The following SOS1 variants were observed in gnomAD, a reference collection of about 807,000 sequenced individuals.
SOS1 encodes son of sevenless homolog 1.
In SOS1, 25 loss-of-function variants were observed where a neutral mutation model predicts 157.6. The observed-to-expected ratio is 0.16, with a 90% CI of 0.12 to 0.22. SOS1 has a LOEUF of 0.22. Ranked by LOEUF, SOS1 falls within the 10% of genes least tolerant of loss-of-function variation. SOS1 has a pLI of 1.00. For missense variants in SOS1, 1,237 were observed against 1,599.1 expected (o/e 0.77, Z 3.86); for synonymous variants, 528 against 534.0 (o/e 0.99, Z 0.16).
intron 10 of SOS1, among the ~76,000 whole-genome samples, chr2:39,019,507 A>G (rs917756612): frequency 2.0e-5 from 3 of 151,842 alleles, no homozygotes; most frequent in Middle Eastern, 6.8e-3. Flanking sequence ...TTTTTCCCCT[A>G]GTTTTTGGGA....
chr2:39,080,185 G>A (rs1672153975), intron 1 of SOS1, among the ~76,000 whole-genome samples: 1 of 151,812 alleles, frequency 6.6e-6, no homozygotes, highest in Non-Finnish European at 1.5e-5. Flanking sequence ...GTCCCATATG[G>A]GGGGGAATGG....
At chr2:39,077,995 G>A (rs1250173382) in intron 1 of SOS1, among the ~76,000 whole-genome samples, 1 of 152,118 alleles carries the variant, frequency 6.6e-6, no homozygotes, top group Non-Finnish European at 1.5e-5. Context: ...CACAAAAAGT[G>A]GAAAGATAAG....
chr2:39,023,745 G>T, intron 9 of SOS1: 1 of 393,936 alleles, frequency 2.5e-6, no homozygotes, highest in Non-Finnish European at 4.6e-6. Flanking sequence ...AAATCTACCC[G>T]ATACATTTTA....
intron 1 of SOS1, among the ~76,000 whole-genome samples, chr2:39,116,346 T>C (rs1414802886): frequency 6.6e-6 from 1 of 152,226 alleles, no homozygotes; most frequent in Admixed American, 6.5e-5. Context: ...AGTGAGTTAC[T>C]AGATCCTGTC....
intron 17 of SOS1, among the ~76,000 whole-genome samples, chr2:38,998,296 C>T (rs1668970285): frequency 6.6e-6 from 1 of 151,942 alleles, no homozygotes; most frequent in Admixed American, 6.6e-5. Context: ...GTCTCCCAGG[C>T]TAGAGTGCAA....
intron 4 of SOS1, 83 bp from the exon 5 acceptor site, chr2:39,054,906 A>C (rs1320362746): frequency 1.3e-5 from 10 of 794,446 alleles, no homozygotes; most frequent in Non-Finnish European, 1.9e-5. Flanking sequence ...AGTTCTCTGA[A>C]TAAAGTTCTT....
At chr2:39,096,822 C>A (rs1412393385) in intron 1 of SOS1, among the ~76,000 whole-genome samples, 1 of 151,482 alleles carries the variant, frequency 6.6e-6, no homozygotes, top group Non-Finnish European at 1.5e-5. Context: ...GGAGGTGGAG[C>A]TTGCAGTGAG....
intron 8 of SOS1, 85 bp from the exon 9 acceptor site, chr2:39,024,222 T>C: frequency 9.9e-7 from 1 of 1,008,966 alleles, no homozygotes; most frequent in Non-Finnish European, 1.4e-6. Context: ...AAAAATAACA[T>C]TTATTCAACT....
intron 1 of SOS1, among the ~76,000 whole-genome samples, chr2:39,071,147 C>T (rs754922244): frequency 3.3e-5 from 5 of 152,144 alleles, no homozygotes; most frequent in Admixed American, 1.3e-4. Flanking sequence ...AGATTACAGG[C>T]GTGAGCCACT....
At chr2:39,015,738 AG>A (rs1274682252) in intron 10 of SOS1, among the ~76,000 whole-genome samples, 1 of 149,566 alleles carries the variant, frequency 6.7e-6, no homozygotes, top group Non-Finnish European at 1.5e-5. Context: ...CTCCCATAAT[AG>A]GGGGGAGAAA....
At chr2:38,993,460 C>G (rs761538226) in intron 20 of SOS1, 1 of 152,100 alleles carries the variant, frequency 6.6e-6, no homozygotes, top group African/African-American at 2.4e-5. Context: ...CATGCCCAGC[C>G]CAAATATACT....
At position 38,985,425 on chromosome 2, in the gene SOS1, T is replaced by TG. The variant is rs58580760; in HGVS notation, c.*398_*399insC. On this transcript the variant is annotated 3_prime_UTR_variant, in exon 23 of 23. Coordinates refer to ENST00000402219, the MANE Select transcript of SOS1 (RefSeq NM_005633.4). ...AGATATTAAGATCCCTGTTTAAGTT[T>TG]TTTTTTTTAAAAGTGCATAATTTGA... 4.7e-4 allele frequency: 17 copies of TG among 36,514 alleles called. No individual in the cohort carries two copies. The highest frequency in any genetic ancestry group is 1.0e-3 in the Non-Finnish European group (14 of 13,432). 2.3% of individuals were successfully genotyped at this position (36,514 alleles called of 1,614,324 possible). A position where few individuals can be genotyped will look rare whatever the true frequency, so the allele number is the denominator to read the frequency against.
chr2:39,035,451 G>A lies in SOS1; in HGVS notation c.914C>T (p.Pro305Leu). ...YESYARDILR[P>L]GFHDRFLSQL... ...ACTAAGGAAACGATCATGAAAACCA[G>A]GTCGCAAAATATCTCGAGCATACGA... is the stretch of plus-strand genomic sequence containing the variant. Residue 305 changes from proline to leucine, a missense_variant, in exon 7 of 23, where the codon CCT becomes CTT. Around this residue, in one of 15 missense-constraint regions of SOS1, gnomAD observed 101 missense variants for 171.5 expected, o/e 0.59. Coordinates refer to ENST00000402219, the MANE Select transcript of SOS1 (RefSeq NM_005633.4). 2 of 1,613,898 alleles carry A rather than the reference G, an allele frequency of 1.2e-6. No individual in the cohort carries two copies. The highest frequency in any genetic ancestry group is 1.7e-6 in the Non-Finnish European group (2 of 1,179,896).
At chr2:39,046,108 T>C (rs1057102606) in intron 6 of SOS1, among the ~76,000 whole-genome samples, 4 of 152,242 alleles carry the variant, frequency 2.6e-5, no homozygotes, top group Non-Finnish European at 5.9e-5. Flanking sequence ...AGTTGGATTT[T>C]TTTATATCAT....
intron 1 of SOS1, among the ~76,000 whole-genome samples, chr2:39,100,439 TGATACACACA>T (rs1253423828): frequency 6.6e-6 from 1 of 152,100 alleles, no homozygotes; most frequent in Non-Finnish European, 1.5e-5. Context: ...AAAGAAATTG[TGATACACACA>T]GATACACACA....
upstream of SOS1, chr2:39,124,161 G>C (rs1673993488): frequency 6.6e-6 from 1 of 152,276 alleles, no homozygotes; most frequent in South Asian, 2.1e-4. Flanking sequence ...CTGCTTGCCT[G>C]TATCTCTTGG....
intron 1 of SOS1, among the ~76,000 whole-genome samples, chr2:39,109,871 A>C (rs1009246220): frequency 6.6e-6 from 1 of 152,236 alleles, no homozygotes; most frequent in African/African-American, 2.4e-5. Flanking sequence ...TTAACATTCA[A>C]AAAGATCTAG....
intron 2 of SOS1, among the ~76,000 whole-genome samples, chr2:39,063,171 G>T (rs1671470009): frequency 6.6e-6 from 1 of 151,812 alleles, no homozygotes; most frequent in African/African-American, 2.4e-5. Context: ...CACCCAGACT[G>T]AAGTGCACTG....
chr2:39,077,300 C>A (rs1362286860), intron 1 of SOS1, among the ~76,000 whole-genome samples: 2 of 146,604 alleles, frequency 1.4e-5, no homozygotes, highest in Non-Finnish European at 3.0e-5. Context: ...CGAGATCGTG[C>A]CAGAGTGAGA....
Sources: gnomAD v4.1 joint callset for allele counts (sites outside exome capture counted in the v4.1 genomes callset) on GRCh38, gnomAD v4.1.1 for gene constraint, gnomAD v4.1.1 regional missense constraint, MANE v1.5 for transcripts, NCBI Gene and HGNC (gene_info 2026-07-23, HGNC 2026-07-21) for gene names.